MEI4: variants seen among roughly 807,000 people sequenced by gnomAD.
MEI4 encodes the protein meiosis-specific protein MEI4.
A neutral mutation model predicts 31.4 loss-of-function variants in MEI4; 27 were observed. The observed-to-expected ratio is 0.86, with a 90% confidence interval of 0.63 to 1.19. MEI4 has a LOEUF of 1.19. Ranked by LOEUF, MEI4 falls within the 50% of genes most tolerant of loss-of-function variation. The probability of loss-of-function intolerance (pLI) is 0.00; values close to 1 mark genes in which losing one functional copy is unlikely to be tolerated. For missense variants in MEI4, 329 were observed against 398.9 expected (o/e 0.82, Z 1.49); for synonymous variants, 122 against 145.4 (o/e 0.84, Z 1.16).
intron 1 of MEI4, among the ~76,000 whole-genome samples, chr6:77,669,518 T>C (rs180675469): frequency 2.0e-5 from 3 of 152,310 alleles, no homozygotes; most frequent in East Asian, 1.9e-4. Context: ...ATTACTGTTA[T>C]TATTAGTGTC....
At chr6:77,908,979 A>G (rs533354048) in intron 4 of MEI4, among the ~76,000 whole-genome samples, 32 of 152,260 alleles carry the variant, frequency 2.1e-4, no homozygotes, top group African/African-American at 7.7e-4. Flanking sequence ...TCCAGAACTG[A>G]ACTCAGCTCT....
In MEI4 at chr6:77,914,143, T is replaced by G. The variant is rs1766492235; in HGVS notation, c.901-8946T>G. 2.0e-5 allele frequency among the ~76,000 whole-genome samples: 3 copies of G among 151,760 alleles called. No individual in the cohort carries two copies. In the South Asian group the frequency reaches 6.2e-4, roughly 31 times the overall value. On this transcript the variant is annotated intron_variant, in intron 4 of 4. Coordinates refer to ENST00000684080, the MANE Select transcript of MEI4 (RefSeq NM_001322247.2). ...GTTTTTTTTTTCTATTAAGGGTGAA[T>G]TTGGTTTATTCTTGTTTTCCTAGTT... is the stretch of plus-strand genomic sequence containing the variant.
chr6:77,796,336 A>G (rs999705949), intron 3 of MEI4, among the ~76,000 whole-genome samples: 2 of 152,150 alleles, frequency 1.3e-5, no homozygotes, highest in South Asian at 4.1e-4. Context: ...GAACACTTCT[A>G]TTCAGCATAT....
At chr6:77,899,320 G>T (rs895260506) in intron 4 of MEI4, among the ~76,000 whole-genome samples, 2 of 152,020 alleles carry the variant, frequency 1.3e-5, no homozygotes, top group Non-Finnish European at 2.9e-5. Flanking sequence ...GGAAGAAGGA[G>T]AAATGGATAT....
chr6:77,785,306 T>G (rs554013442), intron 3 of MEI4, among the ~76,000 whole-genome samples: 2 of 152,292 alleles, frequency 1.3e-5, no homozygotes, highest in East Asian at 3.9e-4. Flanking sequence ...AAGGCCACAT[T>G]TAGCATTAAC....
At chr6:77,745,540 T>A (rs1767573473) in intron 2 of MEI4, among the ~76,000 whole-genome samples, 1 of 152,188 alleles carries the variant, frequency 6.6e-6, no homozygotes, top group Non-Finnish European at 1.5e-5. Flanking sequence ...AATACCCCAC[T>A]GTCAACATTA....
In MEI4 at chr6:77,716,080, C is replaced by G. The variant is rs142410849; in HGVS notation, c.232+25177C>G. The stretch of plus-strand genomic sequence containing the variant: ...GAAATTTCTGAGCACTCACCTTGTG[C>G]CTGGCACCATGCTAAGTGCTTGCAA... On this transcript the variant is annotated intron_variant, in intron 2 of 4. Transcript: ENST00000684080. Among the ~76,000 whole-genome samples the G allele has an allele frequency of 3.4e-3, 513 of 152,250 alleles. 2 individuals carry two copies. The highest frequency in any genetic ancestry group is 0.012 in the African/African-American group (500 of 41,562).
intron 3 of MEI4, among the ~76,000 whole-genome samples, chr6:77,812,125 CT>C (rs571956535): frequency 6.6e-6 from 1 of 151,710 alleles, no homozygotes; most frequent in Admixed American, 6.6e-5. Context: ...TGGCTTGTAA[CT>C]TTTTTTTGGT....
intron 4 of MEI4, among the ~76,000 whole-genome samples, chr6:77,876,980 A>G (rs1335017411): frequency 6.6e-6 from 1 of 152,188 alleles, no homozygotes; most frequent in East Asian, 1.9e-4. Context: ...CATGCCCATT[A>G]ATACAAGTCT....
chr6:77,910,692 G>C (rs952244119), intron 4 of MEI4, among the ~76,000 whole-genome samples: 1 of 152,026 alleles, frequency 6.6e-6, no homozygotes, highest in Admixed American at 6.6e-5. Context: ...TTCACGAATT[G>C]GGTATTGGCT....
intron 2 of MEI4, among the ~76,000 whole-genome samples, chr6:77,732,367 G>C (rs1280430151): frequency 6.6e-6 from 1 of 151,886 alleles, no homozygotes; most frequent in Non-Finnish European, 1.5e-5. Flanking sequence ...TGGATTCCTA[G>C]GTATTTTATT....
At chr6:77,687,035 A>G (rs1388313493) in intron 1 of MEI4, among the ~76,000 whole-genome samples, 3 of 152,038 alleles carry the variant, frequency 2.0e-5, no homozygotes, top group African/African-American at 7.2e-5. Context: ...GAAATAAATG[A>G]TACAAATGGC....
At chr6:77,859,392 T>C (rs946795007) in intron 4 of MEI4, among the ~76,000 whole-genome samples, 1 of 152,146 alleles carries the variant, frequency 6.6e-6, no homozygotes, top group Non-Finnish European at 1.5e-5. Flanking sequence ...CAGTAACAGA[T>C]TGCTGGGTCA....
chr6:77,735,355 A>C lies in MEI4; in HGVS notation c.233-25775A>C, dbSNP rs560181459. ...TTTCTTTTTATTCTTTTTTCTCTAAACTTCCCTTCTTGCTTCATTTCATTC... is the reference window on the plus strand; with the variant it reads ...TTTCTTTTTATTCTTTTTTCTCTAACCTTCCCTTCTTGCTTCATTTCATTC... On this transcript the variant is annotated intron_variant, in intron 2 of 4. Transcript: ENST00000684080. 2.6e-3 allele frequency among the ~76,000 whole-genome samples: 393 copies of C among 151,246 alleles called. 2 individuals carry two copies. Among genetic ancestry groups the C allele is most frequent in the African/African-American group, 9.3e-3 (383 of 41,070 alleles).
chr6:77,801,453 G>A (rs1483802512), intron 3 of MEI4, among the ~76,000 whole-genome samples: 1 of 152,038 alleles, frequency 6.6e-6, no homozygotes, highest in African/African-American at 2.4e-5. Flanking sequence ...TGGATTCATT[G>A]ATTTTTTGAA....
intron 1 of MEI4, among the ~76,000 whole-genome samples, chr6:77,672,683 G>T (rs1377590627): frequency 6.6e-6 from 1 of 152,148 alleles, no homozygotes. Flanking sequence ...GAGATTACAG[G>T]TGTGCACCAC....
rs966188258 is a variant in MEI4 at position 77,778,185 on chromosome 6, G to C, written c.768+16520G>C. ...AGGAAGGGAAAGGGGGAGAGAGGGA[G>C]AAAAGGGAGATTAGTAAAGGGCAAA... On this transcript the variant is annotated intron_variant, in intron 3 of 4. Transcript: ENST00000684080. Among the ~76,000 whole-genome samples, 3 of 151,284 alleles carry C rather than the reference G, an allele frequency of 2.0e-5. No homozygotes were observed. The Admixed American group carries it at 2.0e-4, about 10-fold the overall frequency.
chr6:77,884,546 GGGTTTGGTTCAT>G (rs1284131673), intron 4 of MEI4, among the ~76,000 whole-genome samples: 1 of 152,114 alleles, frequency 6.6e-6, no homozygotes, highest in Non-Finnish European at 1.5e-5. Context: ...TGAGAGATAG[GGGTTTGGTTCAT>G]TATTTTTTCC....
intron 4 of MEI4, among the ~76,000 whole-genome samples, chr6:77,846,858 G>C (rs928349465): frequency 1.3e-5 from 2 of 152,158 alleles, no homozygotes; most frequent in African/African-American, 4.8e-5. Flanking sequence ...AGTATACAGA[G>C]CATTAGTGCC....
Sources: gnomAD v4.1 joint callset for allele counts (sites outside exome capture counted in the v4.1 genomes callset) on GRCh38, gnomAD v4.1.1 for gene constraint, MANE v1.5 for transcripts, NCBI Gene and HGNC (gene_info 2026-07-23, HGNC 2026-07-21) for gene names.